The following STARD13 variants were observed in gnomAD, a reference collection of about 807,000 sequenced individuals.
STARD13 encodes the protein StAR related lipid transfer domain containing 13.
In STARD13, 62 loss-of-function variants were observed where a neutral mutation model predicts 106.4. The observed-to-expected ratio is 0.58, with a 90% CI of 0.48 to 0.72. STARD13 has a LOEUF of 0.72. Among genes scored for constraint, STARD13 ranks in the 30% least tolerant of loss-of-function variants. The probability of loss-of-function intolerance (pLI) is 0.00; values close to 1 mark genes in which losing one functional copy is unlikely to be tolerated. For synonymous variants in STARD13, 565 were observed against 553.0 expected (o/e 1.02, Z -0.31); for missense variants, 1,387 against 1,424.0 (o/e 0.97, Z 0.42).
At chr13:33,635,218 C>T in the STARD13 span, among the ~76,000 whole-genome samples, 4 of 152,246 alleles carry the variant, frequency 2.6e-5, no homozygotes, top group African/African-American at 9.6e-5. Flanking sequence ...AAGAACAGCA[C>T]AGCAGAGCAG....
intron 8 of STARD13, among the ~76,000 whole-genome samples, chr13:33,117,132 G>A (rs1482446378): frequency 6.6e-6 from 1 of 151,818 alleles, no homozygotes; most frequent in African/African-American, 2.4e-5. Context: ...TTTCTGAGAT[G>A]GAGTCTCGCT....
chr13:33,653,195 A>G, the STARD13 span, among the ~76,000 whole-genome samples: 1 of 152,204 alleles, frequency 6.6e-6, no homozygotes, highest in Non-Finnish European at 1.5e-5. Flanking sequence ...TCACGGAGAA[A>G]TTCAAGTGAT....
chr13:33,648,635 C>T, the STARD13 span, among the ~76,000 whole-genome samples: 1 of 152,014 alleles, frequency 6.6e-6, no homozygotes, highest in Non-Finnish European at 1.5e-5. Context: ...GTCCTTAGGG[C>T]TTTCAAAACA....
At chr13:33,244,564 C>A (rs1241660092) in intron 1 of STARD13, among the ~76,000 whole-genome samples, 1 of 151,962 alleles carries the variant, frequency 6.6e-6, no homozygotes, top group Non-Finnish European at 1.5e-5. Context: ...TTTTGACCAA[C>A]AAATCAAGCA....
intron 1 of STARD13, among the ~76,000 whole-genome samples, chr13:33,326,508 G>C (rs1594266558): frequency 2.0e-5 from 3 of 152,304 alleles, no homozygotes; most frequent in East Asian, 3.9e-4. Flanking sequence ...ATTAAGGGGA[G>C]AAAAAGGAAA....
At position 33,163,419 on chromosome 13, in the gene STARD13, A is replaced by G. The variant is rs957799029; in HGVS notation, c.323+1918T>C. Reference sequence around the variant, plus strand: ...AGCCTGGCCAACATGGTGAAACCCCATCTCTGCTAAAAATACCAAAATTAG... The same window carrying G: ...AGCCTGGCCAACATGGTGAAACCCCGTCTCTGCTAAAAATACCAAAATTAG... On this transcript the variant is annotated intron_variant, in intron 3 of 13. Coordinates refer to ENST00000336934, the MANE Select transcript of STARD13 (RefSeq NM_178006.4). 9.2e-5 allele frequency among the ~76,000 whole-genome samples: 14 copies of G among 151,536 alleles called. 1 individual carries two copies. The highest frequency in any genetic ancestry group is 2.7e-4 in the African/African-American group (11 of 41,314).
At position 33,245,991 on chromosome 13, in the gene STARD13, A is replaced by G. The variant is rs776723411; in HGVS notation, c.169+39479T>C. On this transcript the variant is annotated intron_variant, in intron 1 of 13. Transcript: ENST00000336934. ...GATATAGCCTAAGGACAATAAAATT[A>G]CATTTTATTCACCGTACAAGTAAGG... Among the ~76,000 whole-genome samples the G allele has an allele frequency of 4.5e-4, 69 of 152,206 alleles. 2 individuals are homozygous for G. Among genetic ancestry groups the G allele is most frequent in the Non-Finnish European group, 8.8e-5 (6 of 68,028 alleles).
rs138626784 is a variant in STARD13, at chr13:33,321,413, C to T, written c.124+28877G>A. Among the ~76,000 whole-genome samples the T allele has an allele frequency of 2.1e-3, 314 of 151,220 alleles. 2 individuals carry two copies. Among genetic ancestry groups the T allele is most frequent in the African/African-American group, 6.7e-3 (274 of 41,110 alleles). On this transcript the variant is annotated intron_variant, in intron 1 of 5. Coordinates refer to the STARD13 transcript ENST00000567873. ...CCCAGCTACTCAGAAGGCTGAGGCA[C>T]GAGAATCGCTTGAACCTGGGAGACG...
At chr13:33,609,653 A>C in the STARD13 span, among the ~76,000 whole-genome samples, 1 of 145,400 alleles carries the variant, frequency 6.9e-6, no homozygotes, top group African/African-American at 2.6e-5. Context: ...TGCAAGCTCC[A>C]CCTCCCGGGT....
chr13:33,329,887 A>G (rs2077817725), intron 1 of STARD13, among the ~76,000 whole-genome samples: 1 of 151,942 alleles, frequency 6.6e-6, no homozygotes, highest in Non-Finnish European at 1.5e-5. Flanking sequence ...TATTTTTAGT[A>G]GAGACACGGT....
chr13:33,491,475 T>C, the STARD13 span, among the ~76,000 whole-genome samples: 8,985 of 152,254 alleles, frequency 0.059, 344 homozygotes, highest in East Asian at 0.14. Flanking sequence ...TAAAATCCAA[T>C]GAAAGGATTT....
intron 3 of STARD13, among the ~76,000 whole-genome samples, chr13:33,157,493 C>T (rs1454878864): frequency 6.6e-6 from 1 of 152,074 alleles, no homozygotes; most frequent in Non-Finnish European, 1.5e-5. Context: ...CATGGAGAAA[C>T]CCCATCGCTA....
chr13:33,589,464 C>A, the STARD13 span, among the ~76,000 whole-genome samples: 1 of 152,202 alleles, frequency 6.6e-6, no homozygotes, highest in Admixed American at 6.5e-5. Flanking sequence ...CTACACACTG[C>A]TTTAAATGTG....
At chr13:33,670,323 G>A in the STARD13 span, among the ~76,000 whole-genome samples, 5 of 152,154 alleles carry the variant, frequency 3.3e-5, no homozygotes, top group African/African-American at 1.2e-4. Flanking sequence ...AAGAATATGG[G>A]CAGCGCTAAT....
At chr13:33,462,690 G>A in the STARD13 span, among the ~76,000 whole-genome samples, 8 of 152,334 alleles carry the variant, frequency 5.3e-5, no homozygotes, top group Admixed American at 1.3e-4. Flanking sequence ...GGCAGGAAGC[G>A]TCCAGCATGG....
chr13:33,523,474 G>A, the STARD13 span, among the ~76,000 whole-genome samples: 1 of 151,918 alleles, frequency 6.6e-6, no homozygotes, highest in South Asian at 2.1e-4. Flanking sequence ...AAGCAGACAA[G>A]GCATCATAAA....
At chr13:33,118,654 C>G (rs929437997) in intron 7 of STARD13, among the ~76,000 whole-genome samples, 3 of 152,130 alleles carry the variant, frequency 2.0e-5, no homozygotes, top group African/African-American at 7.2e-5. Flanking sequence ...ATAAAATTCC[C>G]TGCCCTTTAG....
chr13:33,468,604 C>T, the STARD13 span, among the ~76,000 whole-genome samples: 19 of 150,838 alleles, frequency 1.3e-4, no homozygotes, highest in Non-Finnish European at 2.2e-4. Context: ...CTCATCCTCT[C>T]TTTGCTCTTC....
At chr13:33,427,955 C>CAAAAAAAAA in the STARD13 span, among the ~76,000 whole-genome samples, 136 of 100,936 alleles carry the variant, frequency 1.3e-3, 1 homozygote, top group African/African-American at 4.7e-3. Flanking sequence ...AACTCCGTCT[C>CAAAAAAAAA]AAAAAAAAAA....
Sources: allele counts gnomAD v4.1 joint callset (sites outside exome capture counted in the v4.1 genomes callset), GRCh38; gene constraint gnomAD v4.1.1; transcripts MANE v1.5; gene names NCBI Gene and HGNC (gene_info 2026-07-23, HGNC 2026-07-21).